HSD17B12: variants seen among roughly 807,000 people sequenced by gnomAD.
The protein encoded by HSD17B12 is very-long-chain 3-oxoacyl-CoA reductase.
In HSD17B12, 32 loss-of-function variants were observed where a neutral mutation model predicts 39.3. The observed-to-expected ratio is 0.81, with a 90% CI of 0.61 to 1.09. HSD17B12 has a LOEUF of 1.09. Among genes scored for constraint, HSD17B12 ranks in the 50% least tolerant of loss-of-function variants. The pLI, the probability that HSD17B12 is intolerant of heterozygous loss-of-function variation, is 0.00. For synonymous variants in HSD17B12, 150 were observed against 146.7 expected, an observed-to-expected ratio of 1.02 and a Z score of -0.16; for missense variants, 342 against 382.9, an observed-to-expected ratio of 0.89 and a Z score of 0.89.
chr11:43,718,517 G>A lies in HSD17B12; in HGVS notation c.161-32394G>A, dbSNP rs548682600. On this transcript the variant is annotated intron_variant, in intron 1 of 10. Coordinates refer to ENST00000278353, the MANE Select transcript of HSD17B12 (RefSeq NM_016142.3). ...CCCATCCCCCATCCAACATACAGTG[G>A]TGAGACAGGGGCAAGAAAACTGTAG... Among the ~76,000 whole-genome samples the A allele has an allele frequency of 5.3e-5, 8 of 152,316 alleles. No individual in the cohort carries two copies. In the East Asian group the frequency reaches 1.3e-3, roughly 26 times the overall value.
the HSD17B12 span, among the ~76,000 whole-genome samples, chr11:43,579,828 T>G: frequency 6.6e-6 from 1 of 151,654 alleles, no homozygotes; most frequent in African/African-American, 2.4e-5. Context: ...GCCTCCACCG[T>G]CGAGAGACGT....
Position 43,798,456 on chromosome 11 carries a change from C to A in HSD17B12, c.391+29C>A, listed in dbSNP as rs192080086. The A allele has an allele frequency of 4.2e-3, 5,583 of 1,342,966 alleles. 82 individuals are homozygous for A. In the East Asian group the frequency reaches 0.053, roughly 13 times the overall value. 83.2% of individuals were successfully genotyped at this position (1,342,966 alleles called of 1,614,324 possible). A position where few individuals can be genotyped will look rare whatever the true frequency, so the allele number is the denominator to read the frequency against. On this transcript the variant is annotated intron_variant, in intron 4 of 10. Transcript: ENST00000278353. Reference sequence around the variant, plus strand: ...TGTATTTTTGCCACATTTATAGGTTCTTCTTGTATTTATTATTTGACTTTA... The same window carrying A: ...TGTATTTTTGCCACATTTATAGGTTATTCTTGTATTTATTATTTGACTTTA...
At chr11:43,611,325 T>C in the HSD17B12 span, among the ~76,000 whole-genome samples, 3 of 152,210 alleles carry the variant, frequency 2.0e-5, no homozygotes, top group Non-Finnish European at 2.9e-5. Context: ...ACTCATCCCA[T>C]AGAGGTGATC....
chr11:43,649,206 C>G, the HSD17B12 span, among the ~76,000 whole-genome samples: 1 of 151,574 alleles, frequency 6.6e-6, no homozygotes, highest in Admixed American at 6.6e-5. Context: ...AAAATGAAGA[C>G]AGTGATTTTT....
At chr11:43,760,764 T>A (rs1481089259) in intron 3 of HSD17B12, among the ~76,000 whole-genome samples, 1 of 152,238 alleles carries the variant, frequency 6.6e-6, no homozygotes, top group Non-Finnish European at 1.5e-5. Context: ...GAGGCATTAG[T>A]AAACACCTGT....
At chr11:43,592,581 A>C in the HSD17B12 span, among the ~76,000 whole-genome samples, 2 of 152,214 alleles carry the variant, frequency 1.3e-5, no homozygotes. Flanking sequence ...ATGGAAAAGA[A>C]GCTGAGACAT....
the HSD17B12 span, among the ~76,000 whole-genome samples, chr11:43,560,272 T>A: frequency 9.2e-5 from 14 of 152,204 alleles, no homozygotes; most frequent in African/African-American, 3.4e-4. Context: ...TGTTTTTATT[T>A]CACTTCTTGA....
At chr11:43,612,660 C>T in the HSD17B12 span, among the ~76,000 whole-genome samples, 1 of 152,162 alleles carries the variant, frequency 6.6e-6, no homozygotes, top group Admixed American at 6.5e-5. Context: ...CCCACCTCGG[C>T]CTCCCAAAGT....
chr11:43,847,034 G>A (rs979550875), intron 9 of HSD17B12, among the ~76,000 whole-genome samples: 3 of 152,054 alleles, frequency 2.0e-5, no homozygotes, highest in South Asian at 2.1e-4. Flanking sequence ...AGAGTGATAC[G>A]TTCTCGAGAA....
the HSD17B12 span, among the ~76,000 whole-genome samples, chr11:43,668,864 A>G: frequency 4.0e-5 from 6 of 151,780 alleles, no homozygotes; most frequent in Non-Finnish European, 1.5e-5. Flanking sequence ...TAAAAAAAAA[A>G]ATTTTTTTTT....
chr11:43,851,456 T>C lies in HSD17B12; in HGVS notation c.685-3259T>C, dbSNP rs534431859. ...CTAGATGGCTTTTTGATATCTAAGA[T>C]ATTTCTTTACTTTCATATAACTTGG... is the stretch of plus-strand genomic sequence containing the variant. On this transcript the variant is annotated intron_variant, in intron 9 of 10. Coordinates refer to ENST00000278353, the MANE Select transcript of HSD17B12 (RefSeq NM_016142.3). Among the ~76,000 whole-genome samples, 19 of 152,354 alleles carry C rather than the reference T, an allele frequency of 1.2e-4. 1 individual carries two copies. In the East Asian group the frequency reaches 3.7e-3, roughly 29 times the overall value.
At chr11:43,715,909 G>C (rs1465635787) in intron 1 of HSD17B12, among the ~76,000 whole-genome samples, 1 of 152,120 alleles carries the variant, frequency 6.6e-6, no homozygotes, top group Non-Finnish European at 1.5e-5. Context: ...CTAGGTGATA[G>C]GTGTATCTGG....
chr11:43,655,406 C>T, the HSD17B12 span, among the ~76,000 whole-genome samples: 1 of 152,142 alleles, frequency 6.6e-6, no homozygotes, highest in African/African-American at 2.4e-5. Flanking sequence ...TTTCCTTCTC[C>T]TGCCTGATTG....
At chr11:43,747,167 C>G (rs896747683) in intron 1 of HSD17B12, among the ~76,000 whole-genome samples, 1 of 152,158 alleles carries the variant, frequency 6.6e-6, no homozygotes, top group Non-Finnish European at 1.5e-5. Context: ...AAACACTTAC[C>G]AAATGTCTAC....
chr11:43,561,435 T>G, the HSD17B12 span, among the ~76,000 whole-genome samples: 1 of 152,022 alleles, frequency 6.6e-6, no homozygotes, highest in South Asian at 2.1e-4. Flanking sequence ...ATAAAAAGAG[T>G]ATTTTTCCTG....
chr11:43,702,492 A>G (rs971617857), intron 1 of HSD17B12, among the ~76,000 whole-genome samples: 1 of 152,194 alleles, frequency 6.6e-6, no homozygotes, highest in Non-Finnish European at 1.5e-5. Flanking sequence ...TGCTATACCC[A>G]GTTTTTTGAA....
the HSD17B12 span, among the ~76,000 whole-genome samples, chr11:43,658,959 G>C: frequency 6.6e-6 from 1 of 152,226 alleles, no homozygotes; most frequent in Non-Finnish European, 1.5e-5. Context: ...GGTTATTGCT[G>C]TCTTTTGTTT....
chr11:43,719,600 A>G (rs1950157153), intron 1 of HSD17B12, among the ~76,000 whole-genome samples: 1 of 144,392 alleles, frequency 6.9e-6, no homozygotes. Context: ...CTTGTGCAAT[A>G]AAGGACAAGG....
At chr11:43,700,148 C>T (rs914158392) in intron 1 of HSD17B12, among the ~76,000 whole-genome samples, 8 of 152,152 alleles carry the variant, frequency 5.3e-5, no homozygotes, top group Non-Finnish European at 1.0e-4. Context: ...TTCTAGTCTA[C>T]CGTGTACTTG....
Sources: allele counts gnomAD v4.1 joint callset (sites outside exome capture counted in the v4.1 genomes callset), GRCh38; gene constraint gnomAD v4.1.1; transcripts MANE v1.5; gene names NCBI Gene and HGNC (gene_info 2026-07-23, HGNC 2026-07-21).